Variants in HERC2 observed in about 807,000 individuals in gnomAD.
HERC2 encodes the protein E3 ubiquitin-protein ligase HERC2.
In HERC2, 102 loss-of-function variants were observed where a neutral mutation model predicts 537.7. That is an observed-to-expected ratio of 0.19 (90% CI 0.16 to 0.22). The LOEUF (loss-of-function observed/expected upper bound fraction) is 0.22. Among genes scored for constraint, HERC2 ranks in the 10% least tolerant of loss-of-function variants. HERC2 has a pLI of 1.00. For missense variants in HERC2, 4,236 were observed against 6,198.2 expected (o/e 0.68, Z 10.63); for synonymous variants, 2,224 against 2,466.2 (o/e 0.90, Z 2.91).
At position 28,268,045 on chromosome 15, in the gene HERC2, G is replaced by A. The variant is rs2075617129; in HGVS notation, c.1598+420C>T. On this transcript the variant is annotated intron_variant, in intron 12 of 92. Transcript: ENST00000261609. The surrounding 1 kb of genome is among the most constrained non-coding windows in gnomAD (Gnocchi z 4.7). ...TCACAATAAAAGGTTCCACTGAGTA[G>A]GATAATATTAGGAAGAAACTGCTGA... 6.6e-6 allele frequency among the ~76,000 whole-genome samples: 1 copy of A among 152,152 alleles called. No individual in the cohort carries two copies. Among genetic ancestry groups the A allele is most frequent in the African/African-American group, 2.4e-5 (1 of 41,418 alleles).
chr15:28,300,259 A>T (rs1236800890), intron 2 of HERC2, among the ~76,000 whole-genome samples: 1 of 150,740 alleles, frequency 6.6e-6, no homozygotes, highest in Non-Finnish European at 1.5e-5. Context: ...TGAAACATAC[A>T]TGACTTTCAT....
chr15:28,316,949 G>T (rs2077104448), intron 2 of HERC2, among the ~76,000 whole-genome samples: 1 of 151,446 alleles, frequency 6.6e-6, no homozygotes, highest in Non-Finnish European at 1.5e-5. Context: ...GCTAATTTTT[G>T]TATTTTTAGT....
chr15:28,200,971 A>AG (rs1346562904), intron 48 of HERC2, among the ~76,000 whole-genome samples: 1 of 144,912 alleles, frequency 6.9e-6, no homozygotes, highest in Non-Finnish European at 1.5e-5. Flanking sequence ...GAATTACATA[A>AG]GAAAAACAAG....
At position 28,263,000 on chromosome 15, in the gene HERC2, T is replaced by C. The variant is rs745665978; in HGVS notation, c.2040A>G (p.Ser680=). The change falls in exon 15 of 93, where the codon TCA becomes TCG. Residue 680 remains serine, a synonymous_variant. Transcript: ENST00000261609. ...IALTKDGQVY[S]WGKGDNQRLG... ...GTCTCTGGTTGTCACCTTTTCCCCA[T>C]GAATAAACTTGGCCATCTTTCGTCA... 11 of 1,614,196 alleles carry C rather than the reference T, an allele frequency of 6.8e-6. No homozygotes were observed. Among genetic ancestry groups the C allele is most frequent in the Non-Finnish European group, 9.3e-6 (11 of 1,180,022 alleles).
chr15:28,185,640 C>T (rs776408285), intron 56 of HERC2, among the ~76,000 whole-genome samples: 4 of 152,182 alleles, frequency 2.6e-5, no homozygotes, highest in African/African-American at 7.2e-5. Flanking sequence ...GCAAAAACTT[C>T]GCAGATATCA....
chr15:28,144,598 G>A lies in HERC2; in HGVS notation c.11140+75C>T, dbSNP rs57039476. On this transcript the variant is annotated intron_variant, in intron 72 of 92. Coordinates refer to ENST00000261609, the MANE Select transcript of HERC2 (RefSeq NM_004667.6). ...GCTGTCAGGCACTACGTGGACATGT[G>A]CACGTGTCCCTGTTGCTCCAGAAAC... 10,895 of 1,594,080 alleles carry A rather than the reference G, an allele frequency of 6.8e-3. 628 individuals are homozygous for A. The African/African-American group carries it at 0.13, about 19-fold the overall frequency.
At chr15:28,291,887 A>G (rs1315559325) in intron 4 of HERC2, among the ~76,000 whole-genome samples, 3 of 140,356 alleles carry the variant, frequency 2.1e-5, no homozygotes, top group Admixed American at 1.5e-4. Flanking sequence ...CCTGGGCGAC[A>G]GAACAAGACT....
chr15:28,238,965 A>C (rs564631490), intron 23 of HERC2, among the ~76,000 whole-genome samples, 193 bp from the exon 24 acceptor site: 1 of 152,362 alleles, frequency 6.6e-6, no homozygotes, highest in East Asian at 1.9e-4. Flanking sequence ...AAAAAAATCT[A>C]GGCAGCATGA....
intron 71 of HERC2, among the ~76,000 whole-genome samples, chr15:28,145,857 C>G (rs1254398614): frequency 2.6e-5 from 4 of 152,192 alleles, no homozygotes; most frequent in Non-Finnish European, 5.9e-5. Flanking sequence ...CACCTACATA[C>G]AGAAGTCACT....
chr15:28,144,166 A>G lies in HERC2; in HGVS notation c.11210T>C (p.Leu3737Ser). The G allele has an allele frequency of 6.2e-7, 1 of 1,614,204 alleles. No individual in the cohort carries two copies. Among genetic ancestry groups the G allele is most frequent in the Non-Finnish European group, 8.5e-7 (1 of 1,180,044 alleles). The stretch of plus-strand genomic sequence containing the variant: ...AGAGGCAAGGTTGAGTCGGAAGTCT[A>G]ACAGACACGTCACCAAGTCCATGGA... ...CPSMDLVTCL[L>S]DFRLNLASNR... The change falls in exon 73 of 93, where the codon TTA becomes TCA. Residue 3737 changes from leucine to serine, a missense_variant. This residue lies in a region of HERC2 where 109 missense variants were observed against 133.5 expected (regional missense o/e 0.82). Transcript: ENST00000261609.
At position 28,132,156 on chromosome 15, in the gene HERC2, C is replaced by T; in HGVS notation, c.12514G>A (p.Gly4172Arg). Residue 4172 changes from glycine (G) to arginine (R), a missense_variant, in exon 81 of 93, where the codon GGG becomes AGG. Gly to Arg is a moderately radical substitution (Grantham distance 125). Transcript: ENST00000261609. ...CCCCGGCCGAGCTTGCCGTAGTCCCCGTCCCCCCAGGACCAGACAGTGTCG... is the reference window on the plus strand; with the variant it reads ...CCCCGGCCGAGCTTGCCGTAGTCCCTGTCCCCCCAGGACCAGACAGTGTCG... ...DDDTVWSWGD[G>R]DYGKLGRGGS... 1.9e-6 allele frequency: 3 copies of T among 1,613,396 alleles called. No individual in the cohort carries two copies. Among genetic ancestry groups the T allele is most frequent in the Non-Finnish European group, 1.7e-6 (2 of 1,179,558 alleles).
rs553341974 is a variant in HERC2 at position 28,160,400 on chromosome 15, C to T, written c.10746+2694G>A. Among the ~76,000 whole-genome samples, 17 of 152,312 alleles carry T rather than the reference C, an allele frequency of 1.1e-4. No homozygotes were observed. In the East Asian group the frequency reaches 2.7e-3, roughly 24 times the overall value. On this transcript the variant is annotated intron_variant, in intron 69 of 92. Transcript: ENST00000261609. ...CTCCACCCAGTTTCAGCTTCCGGGC[C>T]GCTTTGTTTACCTACTCAAGCCTCA... is the stretch of plus-strand genomic sequence containing the variant.
At position 28,246,778 on chromosome 15, in the gene HERC2, C is replaced by T. The variant is rs754085213; in HGVS notation, c.3355G>A (p.Ala1119Thr). The T allele has an allele frequency of 7.5e-6, 12 of 1,605,866 alleles. No homozygotes were observed. The highest frequency in any genetic ancestry group is 4.5e-5 in the East Asian group (2 of 44,498). The change falls in exon 22 of 93, where the codon GCG (alanine) becomes ACG (threonine). Residue 1119 changes from alanine (A) to threonine (T), a missense_variant. This residue lies in a region of HERC2 where 754 missense variants were observed against 1,085.0 expected (regional missense o/e 0.69). Coordinates refer to ENST00000261609, the MANE Select transcript of HERC2 (RefSeq NM_004667.6). ...SIASTSWRHFAEVAYIVEGDF... is the reference protein window; with the variant it reads ...SIASTSWRHFTEVAYIVEGDF... ...CCTTCCACAATGTAAGCCACCTCCG[C>T]GAAGTGCCGCCAGCTGGTAGAAGCA...
In HERC2 at chr15:28,141,563, T is replaced by G; in HGVS notation, c.11884A>C (p.Arg3962=). ...GTIYGWGHNH[R]GQLGGIEGAK... ...CCTTCAATGCCCCCGAGCTGGCCCC[T>G]GTGATTATGTCCCCATCCATAAATT... Residue 3962 remains arginine, a synonymous_variant, in exon 78 of 93, where the codon AGG becomes CGG. Coordinates refer to ENST00000261609, the MANE Select transcript of HERC2 (RefSeq NM_004667.6). The G allele has an allele frequency of 6.2e-7, 1 of 1,614,164 alleles. No individual in the cohort carries two copies. Among genetic ancestry groups the G allele is most frequent in the South Asian group, 1.1e-5 (1 of 91,080 alleles).
At chr15:28,288,535 CAAAA>C (rs1216166029) in intron 4 of HERC2, among the ~76,000 whole-genome samples, 2 of 82,426 alleles carry the variant, frequency 2.4e-5, no homozygotes, top group Non-Finnish European at 2.4e-5. Flanking sequence ...AACTCCGACT[CAAAA>C]AAAAAAAAAA....
chr15:28,317,717 T>C (rs191681006), intron 2 of HERC2, among the ~76,000 whole-genome samples: 265 of 152,280 alleles, frequency 1.7e-3, no homozygotes, highest in African/African-American at 5.5e-3. Context: ...GAAATTGTAG[T>C]AGTAGTTACA....
At chr15:28,238,245 G>T (rs745563507) in intron 24 of HERC2, 28 bp from the exon 25 acceptor site, 1 of 1,375,648 alleles carries the variant, frequency 7.3e-7, no homozygotes, top group South Asian at 1.2e-5. Flanking sequence ...AAAGCAACAT[G>T]AGTTCAATTC....
At chr15:28,168,314 C>G (rs1894351121) in intron 67 of HERC2, 93 bp downstream of exon 67, 1 of 1,248,902 alleles carries the variant, frequency 8.0e-7, no homozygotes, top group East Asian at 2.4e-5. Flanking sequence ...GGCACAGAAA[C>G]AGCCTAAACT....
At chr15:28,121,223 C>T (rs1160680181) in intron 86 of HERC2, 123 bp downstream of exon 86, 4 of 781,158 alleles carry the variant, frequency 5.1e-6, no homozygotes, top group Admixed American at 2.2e-5. Flanking sequence ...GAAGGTGGCA[C>T]CTGCTCTTTA....
Sources: allele counts gnomAD v4.1 joint callset (sites outside exome capture counted in the v4.1 genomes callset), GRCh38; gene constraint gnomAD v4.1.1; regional missense constraint gnomAD v4.1.1; non-coding constraint Gnocchi (gnomAD v3.1); transcripts MANE v1.5; gene names NCBI Gene and HGNC (gene_info 2026-07-23, HGNC 2026-07-21).